GLDC: variants seen among roughly 807,000 people sequenced by gnomAD.
GLDC encodes the protein glycine decarboxylase, also known as glycine dehydrogenase (decarboxylating), mitochondrial.
A neutral mutation model predicts 121.3 loss-of-function variants in GLDC; 104 were observed. The observed-to-expected ratio is 0.86, with a 90% CI of 0.73 to 1.01. GLDC has a LOEUF of 1.01. Among genes scored for constraint, GLDC ranks in the 50% least tolerant of loss-of-function variants. The pLI is 0.00. For synonymous variants in GLDC, 546 were observed against 480.6 expected (o/e 1.14, Z -1.78); for missense variants, 1,429 against 1,306.6 (o/e 1.09, Z -1.44).
At chr9:6,617,608 T>C (rs1563863479) in intron 3 of GLDC, among the ~76,000 whole-genome samples, 1 of 152,226 alleles carries the variant, frequency 6.6e-6, no homozygotes, top group Non-Finnish European at 1.5e-5. Context: ...GAGAAACTAG[T>C]TCTTTGATTT....
At chr9:6,597,204 G>A (rs1818508543) in intron 8 of GLDC, among the ~76,000 whole-genome samples, 1 of 152,192 alleles carries the variant, frequency 6.6e-6, no homozygotes, top group Non-Finnish European at 1.5e-5. Flanking sequence ...GTAGTTGCCA[G>A]GGGCTATAGG....
Position 6,565,358 on chromosome 9 carries a change from C to T in GLDC, c.1922G>A (p.Arg641Lys). The T allele has an allele frequency of 6.2e-7, 1 of 1,611,692 alleles. No homozygotes were observed. Among genetic ancestry groups the T allele is most frequent in the South Asian group, 1.1e-5 (1 of 91,034 alleles). ...AYLNQKGEGHRTVCLIPKSAH... is the reference protein window; with the variant it reads ...AYLNQKGEGHKTVCLIPKSAH... ...GCCACCTCCTGCCATACTCACCGTT[C>T]TGTGCCCCTCTCCTTTCTGGTTTAA... The change falls in exon 16 of 25, where the codon AGA becomes AAA. Residue 641 changes from arginine (R) to lysine (K), a missense_variant. Physicochemically the swap from Arg to Lys is conservative, Grantham distance 26. Transcript: ENST00000321612.
chr9:6,620,931 G>A (rs1424502568), intron 2 of GLDC, among the ~76,000 whole-genome samples: 1 of 152,200 alleles, frequency 6.6e-6, no homozygotes, highest in East Asian at 1.9e-4. Flanking sequence ...ACTTTGAGAG[G>A]CTGAGGTGGG....
chr9:6,623,612 T>TA (rs1013956170), intron 2 of GLDC, among the ~76,000 whole-genome samples: 66 of 137,692 alleles, frequency 4.8e-4, no homozygotes, highest in African/African-American at 9.4e-4. Context: ...GAATGATCAA[T>TA]AAAAAAAAAA....
chr9:6,605,179 C>T lies in GLDC; in HGVS notation c.813G>A (p.Gly271=), dbSNP rs1310872181. The change falls in exon 6 of 25, where the codon GGG becomes GGA. Residue 271 remains glycine (G), a synonymous_variant. Transcript: ENST00000321612. ...CGAGTTCCGTAAAGTCTTCCACCTT[C>T]CCCTCCGTGTCTGGGTACTGGAACA... is the stretch of plus-strand genomic sequence containing the variant. ...GVLFQYPDTE[G]KVEDFTELVE... The T allele has an allele frequency of 1.9e-6, 3 of 1,613,498 alleles. No individual in the cohort carries two copies. The African/African-American group carries it at 4.0e-5, about 22-fold the overall frequency.
At chr9:6,610,579 T>A (rs537135572) in intron 3 of GLDC, among the ~76,000 whole-genome samples, 1 of 152,268 alleles carries the variant, frequency 6.6e-6, no homozygotes, top group East Asian at 1.9e-4. Flanking sequence ...TTTTTCTATC[T>A]CTCTGGTGTT....
intron 15 of GLDC, among the ~76,000 whole-genome samples, chr9:6,569,794 G>A (rs1817920078): frequency 6.6e-6 from 1 of 152,094 alleles, no homozygotes; most frequent in Non-Finnish European, 1.5e-5. Context: ...TGGCGAACAT[G>A]GCAAAACCCT....
chr9:6,588,286 A>G (rs1481638694), intron 14 of GLDC, 115 bp downstream of exon 14: 3 of 812,562 alleles, frequency 3.7e-6, no homozygotes, highest in Admixed American at 3.4e-5. Flanking sequence ...AATTATTAAA[A>G]TAGTTCTTCA....
intron 3 of GLDC, among the ~76,000 whole-genome samples, chr9:6,610,810 A>G (rs1818836299): frequency 6.6e-6 from 1 of 152,162 alleles, no homozygotes; most frequent in African/African-American, 2.4e-5. Context: ...ATGTTACCCA[A>G]GCTGGTCTTG....
intron 4 of GLDC, among the ~76,000 whole-genome samples, chr9:6,609,877 G>A (rs899059075): frequency 1.3e-5 from 2 of 151,968 alleles, no homozygotes; most frequent in African/African-American, 4.8e-5. Flanking sequence ...ACCTGGCACC[G>A]GCTCCCTGTC....
chr9:6,574,720 TCTGA>T (rs1375072467), intron 15 of GLDC, among the ~76,000 whole-genome samples: 3 of 152,132 alleles, frequency 2.0e-5, no homozygotes, highest in Non-Finnish European at 4.4e-5. Context: ...TTCCTGGCAT[TCTGA>T]CTGTTTCTTT....
At chr9:6,607,430 A>G (rs1818757656) in intron 4 of GLDC, among the ~76,000 whole-genome samples, 1 of 151,680 alleles carries the variant, frequency 6.6e-6, no homozygotes, top group South Asian at 2.1e-4. Flanking sequence ...TAAAACTACA[A>G]AACGTAGCCA....
rs1037648537 is a variant in GLDC at position 6,560,756 on chromosome 9, C to A, written c.1927-2072G>T. Among the ~76,000 whole-genome samples, 4 of 152,294 alleles carry A rather than the reference C, an allele frequency of 2.6e-5. No individual in the cohort carries two copies. In the East Asian group the frequency reaches 7.7e-4, roughly 29 times the overall value. Reference sequence around the variant, plus strand: ...ACCCTGTGGTACACTGAATAACGGGCTCCCAAAGACATCCCTGTCCTAATC... The same window carrying A: ...ACCCTGTGGTACACTGAATAACGGGATCCCAAAGACATCCCTGTCCTAATC... On this transcript the variant is annotated intron_variant, in intron 16 of 24. Coordinates refer to ENST00000321612, the MANE Select transcript of GLDC (RefSeq NM_000170.3).
At position 6,589,387 on chromosome 9, in the gene GLDC, A is replaced by T. The variant is rs797001870; in HGVS notation, c.1483-95T>A. On this transcript the variant is annotated intron_variant, in intron 11 of 24. Transcript: ENST00000321612. Reference sequence around the variant, plus strand: ...TGGGTGGCTGGGCCACAAAGCACTCAAAATGGATCAAATATATAATTTTAC... The same window carrying T: ...TGGGTGGCTGGGCCACAAAGCACTCTAAATGGATCAAATATATAATTTTAC... 5.7e-6 allele frequency: 4 copies of T among 701,096 alleles called. No homozygotes were observed. In the African/African-American group the frequency reaches 7.1e-5, roughly 12 times the overall value. The allele number at this position is 701,096 out of a possible 1,614,324, so 43.4% of individuals were successfully genotyped here. A position where few individuals can be genotyped will look rare whatever the true frequency, so the allele number is the denominator to read the frequency against.
intron 3 of GLDC, among the ~76,000 whole-genome samples, chr9:6,618,602 T>C (rs1819012740): frequency 6.6e-6 from 1 of 152,166 alleles, no homozygotes; most frequent in South Asian, 2.1e-4. Context: ...CCACCATGCC[T>C]GGCCTTTTTG....
chr9:6,581,489 G>C (rs1046365474), intron 15 of GLDC, among the ~76,000 whole-genome samples: 4 of 152,210 alleles, frequency 2.6e-5, no homozygotes, highest in Admixed American at 1.3e-4. Flanking sequence ...AAGCATACCA[G>C]AGGCATAGTG....
intron 2 of GLDC, among the ~76,000 whole-genome samples, chr9:6,635,967 T>C (rs967658906): frequency 6.6e-6 from 1 of 152,182 alleles, no homozygotes; most frequent in African/African-American, 2.4e-5. Context: ...TCTAAACCCC[T>C]AGAATGTGCA....
chr9:6,637,133 T>TCCCAGCTCAC (rs1475806638), intron 2 of GLDC, among the ~76,000 whole-genome samples: 1 of 150,322 alleles, frequency 6.7e-6, no homozygotes, highest in Non-Finnish European at 1.5e-5. Context: ...ACGCCTGTAA[T>TCCCAGCTCAC]GCCAGCACTT....
intron 3 of GLDC, among the ~76,000 whole-genome samples, chr9:6,611,860 C>A (rs73402958): frequency 0.036 from 5,500 of 152,136 alleles, 347 homozygotes; most frequent in African/African-American, 0.13. Flanking sequence ...TTCTACATGA[C>A]AAATAATGAT....
Sources: gnomAD v4.1 joint callset for allele counts (sites outside exome capture counted in the v4.1 genomes callset) on GRCh38, gnomAD v4.1.1 for gene constraint, MANE v1.5 for transcripts, NCBI Gene and HGNC (gene_info 2026-07-23, HGNC 2026-07-21) for gene names.